SYNPR: variants seen among roughly 807,000 people sequenced by gnomAD.
SYNPR encodes synaptoporin.
A neutral mutation model predicts 32.9 loss-of-function variants in SYNPR; 23 were observed. That is an observed-to-expected ratio of 0.70 (90% CI 0.50 to 0.99). The LOEUF is 0.99. SYNPR is among the 50% of genes least tolerant of loss of function. The probability of loss-of-function intolerance (pLI) is 0.00; values close to 1 mark genes in which losing one functional copy is unlikely to be tolerated. For synonymous variants in SYNPR, 146 were observed against 135.9 expected (o/e 1.07, Z -0.52); for missense variants, 318 against 349.3 (o/e 0.91, Z 0.71).
At chr3:63,352,891 C>A (rs970549481) in intron 2 of SYNPR, among the ~76,000 whole-genome samples, 11 of 152,172 alleles carry the variant, frequency 7.2e-5, no homozygotes, top group Admixed American at 7.2e-4. Context: ...ACCGGAAAGA[C>A]CTGCCCCCAT....
At chr3:63,515,648 C>T (rs1046778661) in intron 3 of SYNPR, among the ~76,000 whole-genome samples, 18 of 152,054 alleles carry the variant, frequency 1.2e-4, no homozygotes, top group African/African-American at 3.4e-4. Flanking sequence ...AAGGTTAAGA[C>T]ATGTGTATTG....
intron 4 of SYNPR, among the ~76,000 whole-genome samples, chr3:63,584,953 A>G (rs2106867383): frequency 6.6e-6 from 1 of 152,198 alleles, no homozygotes; most frequent in South Asian, 2.1e-4. Flanking sequence ...AGACTTACTG[A>G]ATTAGAATCT....
At chr3:63,399,857 C>T (rs1250582301) in intron 2 of SYNPR, among the ~76,000 whole-genome samples, 1 of 152,204 alleles carries the variant, frequency 6.6e-6, no homozygotes, top group African/African-American at 2.4e-5. Flanking sequence ...GATTGAAGGA[C>T]ATAGAAGTAA....
chr3:63,387,167 A>G (rs999496106), intron 2 of SYNPR, among the ~76,000 whole-genome samples: 2 of 152,192 alleles, frequency 1.3e-5, no homozygotes, highest in African/African-American at 4.8e-5. Context: ...ACAACCCCAT[A>G]AGAGTTTTCT....
At position 63,467,384 on chromosome 3, in the gene SYNPR, T is replaced by A. The variant is rs540339544; in HGVS notation, c.85-13448T>A. On this transcript the variant is annotated intron_variant, in intron 2 of 5. Coordinates refer to ENST00000478300, the MANE Select transcript of SYNPR (RefSeq NM_001130003.2). ...AACTAATGAATTTGTTCCCTAGTAT[T>A]TTCTAACAGCGACCAATTCAATTTT... 1.1e-3 allele frequency among the ~76,000 whole-genome samples: 164 copies of A among 152,326 alleles called. 1 individual carries two copies. Among genetic ancestry groups the A allele is most frequent in the Non-Finnish European group, 2.0e-3 (133 of 68,034 alleles).
chr3:63,320,011 A>G (rs551935606), intron 2 of SYNPR, among the ~76,000 whole-genome samples: 1 of 152,138 alleles, frequency 6.6e-6, no homozygotes, highest in African/African-American at 2.4e-5. Flanking sequence ...GTGAAATGGT[A>G]TAATCATGGT....
intron 2 of SYNPR, among the ~76,000 whole-genome samples, chr3:63,255,171 G>C (rs1391743891): frequency 1.3e-5 from 2 of 152,140 alleles, no homozygotes; most frequent in African/African-American, 4.8e-5. Context: ...AATTCTCCTG[G>C]GGAGGCGGTC....
chr3:63,487,089 T>G (rs1701170456), intron 3 of SYNPR, among the ~76,000 whole-genome samples: 1 of 152,206 alleles, frequency 6.6e-6, no homozygotes, highest in African/African-American at 2.4e-5. Flanking sequence ...AAAAACTAGT[T>G]ATATTTATAA....
At chr3:63,408,309 AAGGAAG>A (rs2088409665) in intron 2 of SYNPR, among the ~76,000 whole-genome samples, 4 of 118,120 alleles carry the variant, frequency 3.4e-5, no homozygotes, top group Admixed American at 8.3e-5. Context: ...GGAAGGAAGG[AAGGAAG>A]GAAGGAAAGA....
At chr3:63,262,179 T>G (rs1379383641) in intron 2 of SYNPR, among the ~76,000 whole-genome samples, 3 of 152,040 alleles carry the variant, frequency 2.0e-5, no homozygotes. Flanking sequence ...GAGGCAAAAT[T>G]TACATGCCAC....
At chr3:63,377,181 G>A (rs191375412) in intron 2 of SYNPR, among the ~76,000 whole-genome samples, 12 of 152,190 alleles carry the variant, frequency 7.9e-5, no homozygotes, top group Admixed American at 7.2e-4. Flanking sequence ...TGACTTAAAC[G>A]TTCAAGAAAG....
At chr3:63,395,740 T>C (rs1337894591) in intron 2 of SYNPR, among the ~76,000 whole-genome samples, 1 of 152,202 alleles carries the variant, frequency 6.6e-6, no homozygotes, top group Admixed American at 6.5e-5. Context: ...ATATTATATA[T>C]ATGTTAGCTA....
chr3:63,588,702 T>C (rs1431503387), intron 4 of SYNPR, among the ~76,000 whole-genome samples: 1 of 152,110 alleles, frequency 6.6e-6, no homozygotes, highest in African/African-American at 2.4e-5. Flanking sequence ...GACATAGTAA[T>C]TCATTTAGAA....
chr3:63,326,069 G>A (rs1439475232), intron 2 of SYNPR, among the ~76,000 whole-genome samples: 1 of 151,936 alleles, frequency 6.6e-6, no homozygotes, highest in Non-Finnish European at 1.5e-5. Context: ...CTGCTTGAAT[G>A]AGGATGAGGT....
chr3:63,391,491 T>C (rs924880280), intron 2 of SYNPR, among the ~76,000 whole-genome samples: 1 of 152,188 alleles, frequency 6.6e-6, no homozygotes, highest in Non-Finnish European at 1.5e-5. Context: ...AAGCATCCAC[T>C]ACCATATTGT....
At chr3:63,235,929 G>A (rs1257643369) in intron 1 of SYNPR, among the ~76,000 whole-genome samples, 1 of 151,740 alleles carries the variant, frequency 6.6e-6, no homozygotes, top group Non-Finnish European at 1.5e-5. Context: ...TTTAAGTCTA[G>A]GAACATTTTA....
intron 3 of SYNPR, among the ~76,000 whole-genome samples, chr3:63,526,228 AG>A (rs1357207142): frequency 4.6e-5 from 7 of 152,234 alleles, no homozygotes; most frequent in African/African-American, 1.7e-4. Context: ...TAAAGGTCAA[AG>A]GAGACTTTCC....
intron 2 of SYNPR, among the ~76,000 whole-genome samples, chr3:63,285,268 G>C (rs1459933719): frequency 1.3e-5 from 2 of 152,156 alleles, no homozygotes; most frequent in East Asian, 1.9e-4. Flanking sequence ...AATCAAGGTA[G>C]AGTTGATTCC....
At chr3:63,274,543 C>T (rs2086559754), upstream of SYNPR, among the ~76,000 whole-genome samples, 1 of 152,206 alleles carries the variant, frequency 6.6e-6, no homozygotes, top group African/African-American at 2.4e-5. Flanking sequence ...ACTTGATTCT[C>T]ATTTGCTGAT....
Sources: allele counts gnomAD v4.1 joint callset (sites outside exome capture counted in the v4.1 genomes callset), GRCh38; gene constraint gnomAD v4.1.1; transcripts MANE v1.5; gene names NCBI Gene and HGNC (gene_info 2026-07-23, HGNC 2026-07-21).